The following GAS6 variants were observed in gnomAD, a reference collection of about 807,000 sequenced individuals.
GAS6 encodes the protein growth arrest-specific protein 6.
In GAS6, 41 loss-of-function variants were observed where a neutral mutation model predicts 75.8. That is an observed-to-expected ratio of 0.54 (90% CI 0.42 to 0.70). GAS6 has a LOEUF of 0.70. Among genes scored for constraint, GAS6 ranks in the 30% least tolerant of loss-of-function variants. The probability of loss-of-function intolerance (pLI) is 0.00; values close to 1 mark genes in which losing one functional copy is unlikely to be tolerated. For synonymous variants in GAS6, 432 were observed against 412.6 expected (o/e 1.05, Z -0.57); for missense variants, 854 against 940.2 (o/e 0.91, Z 1.20).
intron 2 of GAS6, among the ~76,000 whole-genome samples, chr13:113,857,805 G>A (rs1253883985): frequency 1.3e-5 from 2 of 152,262 alleles, no homozygotes; most frequent in African/African-American, 4.8e-5. Flanking sequence ...TCCGGCTCGG[G>A]TGAGGGTGTC....
Position 113,845,798 on chromosome 13 carries a change from TG to T in GAS6, c.343+728del, listed in dbSNP as rs1479771418. On this transcript the variant is annotated intron_variant, in intron 4 of 14. Coordinates refer to ENST00000327773, the MANE Select transcript of GAS6 (RefSeq NM_000820.4). This position sits in a 1 kb window ranked among gnomAD's most constrained non-coding sequence, Gnocchi z 4.3. ...TGATGTCATTTCTCGCCTGTTACAT[TG>T]GAAGAGATCAAAAGTTTAAAAAAAC... 1.3e-5 allele frequency: 2 copies of T among 151,464 alleles called. No individual in the cohort carries two copies. The highest frequency in any genetic ancestry group is 4.9e-5 in the African/African-American group (2 of 41,178). The allele number at this position is 151,464 out of a possible 1,614,324, so 9.4% of individuals were successfully genotyped here. A position where few individuals can be genotyped will look rare whatever the true frequency, so the allele number is the denominator to read the frequency against.
rs2051847596 is a variant in GAS6 at position 113,848,075 on chromosome 13, C to G, written c.256-25G>C. The stretch of plus-strand genomic sequence containing the variant: ...CCTGTGGAAAAAGAAAAAGAAAAGG[C>G]AAGCATTGACCGGCACACTACGAGG... On this transcript the variant is annotated intron_variant, in intron 2 of 14. Transcript: ENST00000327773. The surrounding 1 kb of genome is among the most constrained non-coding windows in gnomAD (Gnocchi z 4.8). 6.2e-7 allele frequency: 1 copy of G among 1,611,968 alleles called. No homozygotes were observed. The highest frequency in any genetic ancestry group is 8.5e-7 in the Non-Finnish European group (1 of 1,179,054).
chr13:113,824,028 G>A (rs377397337), intron 12 of GAS6, among the ~76,000 whole-genome samples: 2 of 151,122 alleles, frequency 1.3e-5, no homozygotes, highest in African/African-American at 2.5e-5. Flanking sequence ...GAGCTGTCAT[G>A]AGCACGGTGG....
At chr13:113,851,245 CAATG>C (rs547760145) in intron 2 of GAS6, among the ~76,000 whole-genome samples, 12 of 149,288 alleles carry the variant, frequency 8.0e-5, no homozygotes, top group African/African-American at 3.0e-4. Flanking sequence ...ATGAATAAAA[CAATG>C]AGTGAATAGA....
chr13:113,832,174 T>C, intron 10 of GAS6, 125 bp downstream of exon 10: 1 of 1,136,636 alleles, frequency 8.8e-7, no homozygotes, highest in South Asian at 1.5e-5. Flanking sequence ...GTCCCCGTCC[T>C]GCCGGCACGC....
chr13:113,845,682 C>T lies in GAS6; in HGVS notation c.343+845G>A, dbSNP rs1158445252. 1.5e-5 allele frequency: 2 copies of T among 137,378 alleles called. No homozygotes were observed. The highest frequency in any genetic ancestry group is 1.4e-4 in the Admixed American group (2 of 14,462). The allele number at this position is 137,378 out of a possible 1,614,324, so 8.5% of individuals were successfully genotyped here. On this transcript the variant is annotated intron_variant, in intron 4 of 14. Coordinates refer to ENST00000327773, the MANE Select transcript of GAS6 (RefSeq NM_000820.4). The surrounding 1 kb of genome is among the most constrained non-coding windows in gnomAD (Gnocchi z 4.3). ...AAAAACAGGCAAAAAATATAAACAA[C>T]AGTTTATAGGAAAAGAAATACACAG...
chr13:113,847,457 C>T (rs1479720875), intron 3 of GAS6, among the ~76,000 whole-genome samples: 1 of 143,326 alleles, frequency 7.0e-6, no homozygotes, highest in African/African-American at 3.0e-5. Context: ...AACGGGCTGA[C>T]CCGGGGTCTC....
intron 11 of GAS6, 113 bp downstream of exon 11, chr13:113,828,434 C>T: frequency 3.6e-6 from 4 of 1,110,024 alleles, no homozygotes; most frequent in South Asian, 1.8e-5. Context: ...TCTAGGTCCT[C>T]CTCACACCTG....
rs556553693 is a variant in GAS6 at position 113,858,569 on chromosome 13, G to A, written c.255+5006C>T. 5.3e-5 allele frequency among the ~76,000 whole-genome samples: 8 copies of A among 151,406 alleles called. No homozygotes were observed. The South Asian group carries it at 1.7e-3, about 32-fold the overall frequency. The stretch of plus-strand genomic sequence containing the variant: ...CGTCTGCTAGTATGTGCCTTTGTGT[G>A]TGCATGTCTGTGTGTGACTGTGTAC... On this transcript the variant is annotated intron_variant, in intron 2 of 14. Coordinates refer to ENST00000327773, the MANE Select transcript of GAS6 (RefSeq NM_000820.4).
intron 2 of GAS6, among the ~76,000 whole-genome samples, chr13:113,861,839 G>T (rs1393156034): frequency 6.6e-6 from 1 of 152,240 alleles, no homozygotes; most frequent in African/African-American, 2.4e-5. Context: ...TTTGGCATGG[G>T]GGCTGGGAAG....
intron 4 of GAS6, chr13:113,842,303 C>T (rs1373107151): frequency 1.7e-5 from 5 of 292,268 alleles, no homozygotes; most frequent in East Asian, 5.4e-5. Context: ...GGACGGAGCT[C>T]GCGTCTCGAA....
intron 2 of GAS6, among the ~76,000 whole-genome samples, chr13:113,856,098 C>A (rs1358612455): frequency 6.6e-6 from 1 of 152,216 alleles, no homozygotes; most frequent in African/African-American, 2.4e-5. Flanking sequence ...GCCATGGGCT[C>A]TGTAGCCCAG....
intron 2 of GAS6, among the ~76,000 whole-genome samples, chr13:113,851,357 G>A (rs946847726): frequency 4.0e-5 from 6 of 150,252 alleles, no homozygotes; most frequent in African/African-American, 9.8e-5. Flanking sequence ...GTGAATGGAT[G>A]AATGAATGAA....
At chr13:113,858,917 GTC>G (rs1566376324) in intron 2 of GAS6, among the ~76,000 whole-genome samples, 1 of 150,688 alleles carries the variant, frequency 6.6e-6, no homozygotes, top group Admixed American at 6.6e-5. Flanking sequence ...ATGTGTACAT[GTC>G]TGTTAGTATG....
intron 9 of GAS6, 31 bp downstream of exon 9, chr13:113,832,603 G>A (rs771176163): frequency 3.3e-5 from 54 of 1,612,012 alleles, no homozygotes; most frequent in Middle Eastern, 1.6e-4. Flanking sequence ...GCCATTCTAA[G>A]TTGTGTTGCC....
At chr13:113,833,502 A>C in intron 8 of GAS6, 2 of 993,556 alleles carry the variant, frequency 2.0e-6, no homozygotes, top group South Asian at 9.0e-5. Flanking sequence ...GCACAGGCCC[A>C]GGCTGAAGAG....
At chr13:113,834,700 G>GC in intron 7 of GAS6, 28 bp from the exon 8 acceptor site, 1 of 1,502,728 alleles carries the variant, frequency 6.7e-7, no homozygotes, top group Non-Finnish European at 8.9e-7. Context: ...GCGGCGGTGA[G>GC]CCGGGGAGGC....
chr13:113,822,214 C>A (rs2051470198), intron 13 of GAS6, 28 bp from the exon 14 acceptor site: 3 of 1,485,706 alleles, frequency 2.0e-6, no homozygotes, highest in Non-Finnish European at 2.7e-6. Flanking sequence ...GTGGTCAGGG[C>A]CTGCCGGCCA....
At chr13:113,835,292 G>A (rs916211795) in intron 7 of GAS6, among the ~76,000 whole-genome samples, 18 of 152,222 alleles carry the variant, frequency 1.2e-4, no homozygotes, top group African/African-American at 2.7e-4. Flanking sequence ...GCATGTGTGC[G>A]GTTCGTTCAT....
Sources: allele counts gnomAD v4.1 joint callset (sites outside exome capture counted in the v4.1 genomes callset), GRCh38; gene constraint gnomAD v4.1.1; non-coding constraint Gnocchi (gnomAD v3.1); transcripts MANE v1.5; gene names NCBI Gene and HGNC (gene_info 2026-07-23, HGNC 2026-07-21).